Variants in WSCD2 observed in about 807,000 individuals in gnomAD.
The protein encoded by WSCD2 is WSC domain sialate O sulfotransferase 2.
WSCD2 carries 28 observed loss-of-function variants against 55.7 expected under a neutral mutation model. The observed-to-expected ratio is 0.50, with a 90% CI of 0.37 to 0.69. The LOEUF (loss-of-function observed/expected upper bound fraction) is 0.69, where lower values mean the gene tolerates loss of function less well. WSCD2 is among the 30% of genes least tolerant of loss of function. The probability of loss-of-function intolerance (pLI) is 0.00; values close to 1 mark genes in which losing one functional copy is unlikely to be tolerated. For synonymous variants in WSCD2, 301 were observed against 301.9 expected (o/e 1.00, Z 0.03); for missense variants, 616 against 762.1 (o/e 0.81, Z 2.26).
At chr12:108,242,240 C>T (rs532723848) in intron 8 of WSCD2, among the ~76,000 whole-genome samples, 1 of 152,380 alleles carries the variant, frequency 6.6e-6, no homozygotes, top group East Asian at 1.9e-4. Context: ...TCCCAATTCA[C>T]TCAAGGCGGT....
chr12:108,227,823 G>A (rs556310480), intron 6 of WSCD2, among the ~76,000 whole-genome samples: 4 of 152,172 alleles, frequency 2.6e-5, no homozygotes, highest in African/African-American at 7.2e-5. Context: ...GATGATAATG[G>A]TGATGATAGT....
intron 1 of WSCD2, among the ~76,000 whole-genome samples, chr12:108,158,687 C>T (rs1878766092): frequency 6.6e-6 from 1 of 152,112 alleles, no homozygotes; most frequent in Non-Finnish European, 1.5e-5. Context: ...AGGGGACTTC[C>T]AGGTCTCCTG....
chr12:108,245,036 C>G (rs924792872), intron 8 of WSCD2, among the ~76,000 whole-genome samples: 1 of 152,170 alleles, frequency 6.6e-6, no homozygotes, highest in African/African-American at 2.4e-5. Context: ...TAGTGCTGCA[C>G]TAAACATGTG....
intron 6 of WSCD2, among the ~76,000 whole-genome samples, chr12:108,229,803 TG>T (rs1231879318): frequency 6.6e-6 from 1 of 151,512 alleles, no homozygotes; most frequent in African/African-American, 2.4e-5. Flanking sequence ...AATTCTGTTT[TG>T]GGGGGACATT....
chr12:108,220,990 C>G (rs972569929), intron 4 of WSCD2, among the ~76,000 whole-genome samples: 4 of 152,196 alleles, frequency 2.6e-5, no homozygotes, highest in African/African-American at 9.7e-5. Flanking sequence ...TCAGCCTCCT[C>G]AGTTTTCTCA....
chr12:108,151,026 T>C (rs895923599), intron 1 of WSCD2, among the ~76,000 whole-genome samples: 1 of 151,968 alleles, frequency 6.6e-6, no homozygotes, highest in African/African-American at 2.4e-5. Flanking sequence ...GCTCAGCTTC[T>C]GCTTGGCTGA....
At chr12:108,159,077 C>T (rs1878806322) in intron 1 of WSCD2, among the ~76,000 whole-genome samples, 1 of 152,226 alleles carries the variant, frequency 6.6e-6, no homozygotes, top group Non-Finnish European at 1.5e-5. Flanking sequence ...CCCTGTGCTC[C>T]AGCCATCTTA....
At chr12:108,209,973 G>A in intron 3 of WSCD2, 148 bp from the exon 4 acceptor site, 1 of 1,088,674 alleles carries the variant, frequency 9.2e-7, no homozygotes, top group Admixed American at 2.3e-5. Context: ...TCTCCCAGTT[G>A]CCCCAACCTC....
In WSCD2 at chr12:108,171,865, G is replaced by C. The variant is rs1223079395; in HGVS notation, c.-551-23417G>C. ...TATTTGGGAAGAATTTTGTCAAACT[G>C]TATGATTTTAAATAAGAATTCTTTT... On this transcript the variant is annotated intron_variant, in intron 1 of 8. Coordinates refer to ENST00000547525, the MANE Select transcript of WSCD2 (RefSeq NM_014653.4). 4 of 152,262 alleles carry C rather than the reference G, an allele frequency of 2.6e-5. No individual in the cohort carries two copies. The South Asian group carries it at 8.3e-4, about 32-fold the overall frequency. The allele number at this position is 152,262 out of a possible 1,614,324, so 9.4% of individuals were successfully genotyped here. A position where few individuals can be genotyped will look rare whatever the true frequency, so the allele number is the denominator to read the frequency against.
chr12:108,205,261 G>C (rs993850115), intron 2 of WSCD2, among the ~76,000 whole-genome samples: 8 of 152,136 alleles, frequency 5.3e-5, no homozygotes, highest in African/African-American at 1.9e-4. Context: ...CATATGAACT[G>C]TGTTACTTTG....
intron 5 of WSCD2, 131 bp downstream of exon 5, chr12:108,224,991 C>T (rs1887923284): frequency 5.3e-6 from 7 of 1,328,992 alleles, no homozygotes; most frequent in East Asian, 4.8e-5. Context: ...GGATCTATGA[C>T]GTGGGAGAGG....
chr12:108,164,139 C>CTTTTTTTTTTTTT (rs1555224800), intron 1 of WSCD2, among the ~76,000 whole-genome samples: 2 of 85,304 alleles, frequency 2.3e-5, no homozygotes, highest in African/African-American at 4.7e-5. Context: ...ATCTTAAATC[C>CTTTTTTTTTTTTT]TTTTTTTTTT....
intron 6 of WSCD2, among the ~76,000 whole-genome samples, chr12:108,227,615 C>A (rs1023312629): frequency 9.2e-5 from 14 of 152,286 alleles, no homozygotes; most frequent in Middle Eastern, 3.4e-3. Context: ...TTCTCTCTCC[C>A]TGTCTCACTC....
intron 6 of WSCD2, among the ~76,000 whole-genome samples, chr12:108,232,290 C>G (rs1337940933): frequency 2.0e-5 from 3 of 152,140 alleles, no homozygotes; most frequent in African/African-American, 7.2e-5. Context: ...ATTCCTGATT[C>G]TCTGGCTTTT....
At chr12:108,161,647 T>TTTAAGCCAC (rs1384767758) in intron 1 of WSCD2, among the ~76,000 whole-genome samples, 1 of 152,214 alleles carries the variant, frequency 6.6e-6, no homozygotes, top group African/African-American at 2.4e-5. Flanking sequence ...ATTTCTGCTG[T>TTTAAGCCAC]TTAAGCCACT....
chr12:108,153,746 G>C (rs1341505413), intron 1 of WSCD2, among the ~76,000 whole-genome samples: 1 of 152,164 alleles, frequency 6.6e-6, no homozygotes, highest in African/African-American at 2.4e-5. Context: ...TGTACGCCCT[G>C]ACCATCCTTG....
intron 1 of WSCD2, among the ~76,000 whole-genome samples, chr12:108,150,856 G>GA (rs1674195274): frequency 1.3e-5 from 2 of 152,200 alleles, no homozygotes; most frequent in East Asian, 1.9e-4. Flanking sequence ...AGAAGCTCTG[G>GA]AAAAAAGGCC....
intron 1 of WSCD2, among the ~76,000 whole-genome samples, chr12:108,192,804 C>T (rs1056063832): frequency 2.0e-5 from 3 of 152,184 alleles, no homozygotes; most frequent in Admixed American, 6.5e-5. Context: ...TGGGGAAGCC[C>T]TCTATGGTTC....
chr12:108,172,519 G>A (rs972722078), intron 1 of WSCD2, among the ~76,000 whole-genome samples: 3 of 152,164 alleles, frequency 2.0e-5, no homozygotes, highest in Non-Finnish European at 2.9e-5. Context: ...GGACATACTG[G>A]ATTCAGGTGG....
Sources: gnomAD v4.1 joint callset for allele counts (sites outside exome capture counted in the v4.1 genomes callset) on GRCh38, gnomAD v4.1.1 for gene constraint, MANE v1.5 for transcripts, NCBI Gene and HGNC (gene_info 2026-07-23, HGNC 2026-07-21) for gene names.